ARSJ: variants seen among roughly 807,000 people sequenced by gnomAD.
ARSJ encodes the protein arylsulfatase family member J.
ARSJ carries 26 observed loss-of-function variants against 35.9 expected under a neutral mutation model. The observed-to-expected ratio is 0.72, with a 90% CI of 0.53 to 1.00. ARSJ has a LOEUF of 1.00. Ranked by LOEUF, ARSJ falls within the 50% of genes least tolerant of loss-of-function variation. ARSJ has a pLI of 0.00. For missense variants in ARSJ, 667 were observed against 723.6 expected (o/e 0.92, Z 0.90); for synonymous variants, 294 against 267.6 (o/e 1.10, Z -0.96).
Position 113,925,904 on chromosome 4 carries a change from A to G in ARSJ, c.399-22229T>C, listed in dbSNP as rs375808132. Among the ~76,000 whole-genome samples the G allele has an allele frequency of 5.3e-5, 8 of 152,226 alleles. No homozygotes were observed. The South Asian group carries it at 1.7e-3, about 32-fold the overall frequency. On this transcript the variant is annotated intron_variant, in intron 1 of 1. Transcript: ENST00000315366. ...CAGTGTTGGTCTCTGCTGCTGGGAA[A>G]TTGGGCACTCAGTAGTGGCTGTAGC... is the stretch of plus-strand genomic sequence containing the variant.
chr4:113,937,941 T>C (rs1724874023), intron 1 of ARSJ, among the ~76,000 whole-genome samples: 1 of 151,772 alleles, frequency 6.6e-6, no homozygotes, highest in South Asian at 2.1e-4. Flanking sequence ...GAAGAATCAA[T>C]ATGAAAATGG....
In ARSJ at chr4:113,974,215, G is replaced by C. The variant is rs116264303; in HGVS notation, c.398+4222C>G. Among the ~76,000 whole-genome samples, 1,516 of 151,884 alleles carry C rather than the reference G, an allele frequency of 1.0e-2. 28 individuals carry two copies. The highest frequency in any genetic ancestry group is 0.035 in the African/African-American group (1,450 of 41,430). ...TAAAAGACCATGGTCATGATCTTGGGGTAGGGAGAATCTCTTAAATAGGAC... is the reference window on the plus strand; with the variant it reads ...TAAAAGACCATGGTCATGATCTTGGCGTAGGGAGAATCTCTTAAATAGGAC... On this transcript the variant is annotated intron_variant, in intron 1 of 1. Transcript: ENST00000315366.
rs369458598 is a variant in ARSJ, at chr4:113,937,695, T to A, written c.399-34020A>T. Among the ~76,000 whole-genome samples the A allele has an allele frequency of 5.1e-4, 78 of 152,072 alleles. 1 individual carries two copies. The highest frequency in any genetic ancestry group is 1.6e-3 in the African/African-American group (65 of 41,540). ...TGATAAGTAACTTAAGCAAAGTCTC[T>A]GGATACAAAATCAATGTGCAAAAAT... On this transcript the variant is annotated intron_variant, in intron 1 of 1. Transcript: ENST00000315366.
intron 1 of ARSJ, among the ~76,000 whole-genome samples, chr4:113,935,302 G>A (rs1483670599): frequency 6.6e-6 from 1 of 151,800 alleles, no homozygotes; most frequent in Non-Finnish European, 1.5e-5. Context: ...GTGATAATAT[G>A]GGCAACAGCT....
In ARSJ at chr4:113,974,705, C is replaced by T. The variant is rs536340711; in HGVS notation, c.398+3732G>A. ...AAAGATGTGAAACAAGTAGAACATT[C>T]CATACAGTTACTGGTGAGAGTACAA... On this transcript the variant is annotated intron_variant, in intron 1 of 1. Coordinates refer to ENST00000315366, the MANE Select transcript of ARSJ (RefSeq NM_024590.4). Among the ~76,000 whole-genome samples, 36 of 152,170 alleles carry T rather than the reference C, an allele frequency of 2.4e-4. 1 individual carries two copies. The highest frequency in any genetic ancestry group is 8.7e-4 in the African/African-American group (36 of 41,552).
chr4:113,946,820 C>G (rs1725519179), intron 1 of ARSJ, among the ~76,000 whole-genome samples: 1 of 152,048 alleles, frequency 6.6e-6, no homozygotes, highest in South Asian at 2.1e-4. Flanking sequence ...ACTTGAATTA[C>G]AGCTGTTTTG....
At chr4:113,912,566 A>C (rs1242885503) in intron 1 of ARSJ, among the ~76,000 whole-genome samples, 1 of 152,194 alleles carries the variant, frequency 6.6e-6, no homozygotes. Context: ...ATGTATTATT[A>C]AGTAAAAGAC....
chr4:113,900,900 T>C lies in ARSJ; in HGVS notation c.*1374A>G, dbSNP rs2099666858. 6.6e-6 allele frequency: 1 copy of C among 152,192 alleles called. No homozygotes were observed. Among genetic ancestry groups the C allele is most frequent in the Non-Finnish European group, 1.5e-5 (1 of 68,034 alleles). The allele number at this position is 152,192 out of a possible 1,614,324, so 9.4% of individuals were successfully genotyped here. ...TCCGTATCTTCCATTTCTCTGTATCTCCCCACAGTGTCCACTTTGTATAAG... is the reference window on the plus strand; with the variant it reads ...TCCGTATCTTCCATTTCTCTGTATCCCCCCACAGTGTCCACTTTGTATAAG... On this transcript the variant is annotated 3_prime_UTR_variant, in exon 2 of 2. Transcript: ENST00000315366.
intron 1 of ARSJ, among the ~76,000 whole-genome samples, chr4:113,977,355 A>G (rs2110342120): frequency 6.6e-6 from 1 of 152,342 alleles, no homozygotes; most frequent in Non-Finnish European, 1.5e-5. Flanking sequence ...TTTGCTAAGC[A>G]GTGGAAATCA....
chr4:113,924,422 G>A (rs956510742), intron 1 of ARSJ, among the ~76,000 whole-genome samples: 1 of 151,904 alleles, frequency 6.6e-6, no homozygotes, highest in African/African-American at 2.4e-5. Context: ...ATCTCCTTAG[G>A]CAACACCCTC....
In ARSJ at chr4:113,978,525, C is replaced by T; in HGVS notation, c.310G>A (p.Asp104Asn). 1 of 1,614,186 alleles carries T rather than the reference C, an allele frequency of 6.2e-7. No individual in the cohort carries two copies. The highest frequency in any genetic ancestry group is 8.5e-7 in the Non-Finnish European group (1 of 1,180,012). The change falls in exon 1 of 2, where the codon GAC (aspartate) becomes AAC (asparagine). Residue 104 changes from aspartate (D) to asparagine (N), a missense_variant. Asp to Asn is a conservative substitution (Grantham distance 23). Coordinates refer to ENST00000315366, the MANE Select transcript of ARSJ (RefSeq NM_024590.4). ...HGSEIKTPTLDKLAAEGVKLE... is the reference protein window; with the variant it reads ...HGSEIKTPTLNKLAAEGVKLE... ...TTAACTCCTTCGGCAGCGAGCTTGT[C>T]AAGAGTAGGTGTTTTAATCTCAGAT... is the stretch of plus-strand genomic sequence containing the variant.
chr4:113,938,553 A>C (rs1216225789), intron 1 of ARSJ, among the ~76,000 whole-genome samples: 1 of 151,850 alleles, frequency 6.6e-6, no homozygotes, highest in Non-Finnish European at 1.5e-5. Flanking sequence ...TCTAAGTAAA[A>C]TAAAGAGCTT....
chr4:113,932,884 T>C (rs1165468060), intron 1 of ARSJ, among the ~76,000 whole-genome samples: 2 of 151,796 alleles, frequency 1.3e-5, no homozygotes, highest in East Asian at 1.9e-4. Context: ...AAAATTGAGC[T>C]AACAAAACAA....
At chr4:113,972,880 G>GT (rs1352661552) in intron 1 of ARSJ, among the ~76,000 whole-genome samples, 5 of 152,270 alleles carry the variant, frequency 3.3e-5, no homozygotes, top group African/African-American at 9.6e-5. Flanking sequence ...GCAGGTATGG[G>GT]TGCTCTCTTA....
rs2099666689 is a variant in ARSJ, at chr4:113,900,303, T to C, written c.*1971A>G. 1 of 152,196 alleles carries C rather than the reference T, an allele frequency of 6.6e-6. No individual in the cohort carries two copies. The highest frequency in any genetic ancestry group is 1.5e-5 in the Non-Finnish European group (1 of 68,026). 9.4% of individuals were successfully genotyped at this position (152,196 alleles called of 1,614,324 possible). On this transcript the variant is annotated 3_prime_UTR_variant, in exon 2 of 2. Transcript: ENST00000315366. ...AAGAAAAACATGAACAATATGCCTT[T>C]ATTTTTAAGACTCATTTAAAAGATA...
chr4:113,931,202 A>G (rs1724428111), intron 1 of ARSJ, among the ~76,000 whole-genome samples: 1 of 152,038 alleles, frequency 6.6e-6, no homozygotes, highest in Non-Finnish European at 1.5e-5. Context: ...AAAAAAAAGT[A>G]TAAATAAATG....
At chr4:113,942,815 T>A (rs1342407373) in intron 1 of ARSJ, among the ~76,000 whole-genome samples, 1 of 152,094 alleles carries the variant, frequency 6.6e-6, no homozygotes, top group Non-Finnish European at 1.5e-5. Flanking sequence ...GGATGCATGA[T>A]GTATGTTCTA....
At chr4:113,966,804 T>C (rs1726919464) in intron 1 of ARSJ, among the ~76,000 whole-genome samples, 1 of 152,214 alleles carries the variant, frequency 6.6e-6, no homozygotes, top group South Asian at 2.1e-4. Context: ...GGGCACTGAA[T>C]GTTGCAAAAC....
intron 1 of ARSJ, among the ~76,000 whole-genome samples, chr4:113,938,738 C>G (rs1340255181): frequency 2.0e-5 from 3 of 151,434 alleles, no homozygotes; most frequent in African/African-American, 7.3e-5. Flanking sequence ...AAAAAACTAC[C>G]CCATTAAAAA....
Sources: gnomAD v4.1 joint callset for allele counts (sites outside exome capture counted in the v4.1 genomes callset) on GRCh38, gnomAD v4.1.1 for gene constraint, MANE v1.5 for transcripts, NCBI Gene and HGNC (gene_info 2026-07-23, HGNC 2026-07-21) for gene names.